PARN: variants seen among roughly 807,000 people sequenced by gnomAD.
PARN encodes poly(A)-specific ribonuclease, also known as poly(A)-specific ribonuclease PARN.
A neutral mutation model predicts 102.8 loss-of-function variants in PARN; 71 were observed. The observed-to-expected ratio is 0.69, with a 90% CI of 0.57 to 0.84. The LOEUF is 0.84. PARN is among the 40% of genes least tolerant of loss of function. PARN has a pLI of 0.00. For missense variants in PARN, 782 were observed against 760.9 expected, an observed-to-expected ratio of 1.03 and a Z score of -0.33; for synonymous variants, 261 against 252.9, an observed-to-expected ratio of 1.03 and a Z score of -0.30.
intron 12 of PARN, among the ~76,000 whole-genome samples, chr16:14,593,980 G>C (rs1452387653): frequency 2.0e-5 from 3 of 151,658 alleles, no homozygotes; most frequent in Non-Finnish European, 1.5e-5. Flanking sequence ...CTGGGCAACA[G>C]AGTGAGACCC....
chr16:14,599,763 A>G (rs946921170), intron 12 of PARN, 141 bp downstream of exon 12: 7 of 544,226 alleles, frequency 1.3e-5, no homozygotes, highest in South Asian at 9.0e-5. Context: ...ACAACAGTCT[A>G]TCTTGATGAA....
chr16:14,491,765 C>T (rs1033875689), intron 21 of PARN, among the ~76,000 whole-genome samples: 2 of 151,584 alleles, frequency 1.3e-5, no homozygotes, highest in African/African-American at 4.9e-5. Flanking sequence ...GAGTAAGACC[C>T]TATCTCAAAA....
In PARN at chr16:14,606,531, A is replaced by C; in HGVS notation, c.660-5T>G. 6.5e-7 allele frequency: 1 copy of C among 1,545,652 alleles called. No individual in the cohort carries two copies. ...ACATGAATGCCTTTCGGATACCTAA[A>C]GAAAAGAAAAACATAGTATCAGTAG... is the stretch of plus-strand genomic sequence containing the variant. On this transcript the variant is annotated splice_polypyrimidine_tract_variant and splice_region_variant and intron_variant, in intron 9 of 23. Transcript: ENST00000437198.
intron 22 of PARN, among the ~76,000 whole-genome samples, chr16:14,461,377 CCTT>C (rs1246971980): frequency 4.6e-5 from 7 of 152,160 alleles, no homozygotes; most frequent in Non-Finnish European, 8.8e-5. Context: ...ACAGTGTGTG[CCTT>C]CTTCTTGCCA....
Position 14,551,965 on chromosome 16 carries a change from G to A in PARN, c.1480+56C>T, listed in dbSNP as rs931151125. 8.7e-6 allele frequency: 10 copies of A among 1,150,994 alleles called. No individual in the cohort carries two copies. In the South Asian group the frequency reaches 1.3e-4, roughly 15 times the overall value. The allele number at this position is 1,150,994 out of a possible 1,614,324, so 71.3% of individuals were successfully genotyped here. A position where few individuals can be genotyped will look rare whatever the true frequency, so the allele number is the denominator to read the frequency against. On this transcript the variant is annotated intron_variant, in intron 21 of 23. Transcript: ENST00000437198. ...ATAGCTTTTAAATTAAGGGGGCAGT[G>A]GGAGGGCAACCTCTCACTGTATTTA...
intron 12 of PARN, among the ~76,000 whole-genome samples, chr16:14,598,084 TG>T (rs1278079155): frequency 6.6e-6 from 1 of 151,964 alleles, no homozygotes; most frequent in Non-Finnish European, 1.5e-5. Flanking sequence ...GCGGAGGTTG[TG>T]GTGAGCCAGG....
intron 18 of PARN, among the ~76,000 whole-genome samples, chr16:14,565,506 T>A (rs754068785): frequency 6.6e-6 from 1 of 151,886 alleles, no homozygotes; most frequent in Non-Finnish European, 1.5e-5. Flanking sequence ...CTAAAAACAT[T>A]AAATTAAACA....
intron 16 of PARN, among the ~76,000 whole-genome samples, chr16:14,583,871 G>C (rs770140592): frequency 2.0e-5 from 3 of 152,172 alleles, no homozygotes; most frequent in Non-Finnish European, 4.4e-5. Context: ...GTTTTCCTCA[G>C]TGCTGCTGTT....
At chr16:14,492,288 G>A (rs1964098245) in intron 21 of PARN, among the ~76,000 whole-genome samples, 1 of 152,206 alleles carries the variant, frequency 6.6e-6, no homozygotes, top group African/African-American at 2.4e-5. Context: ...CTCCATGGCA[G>A]CGCCTGACCC....
intron 21 of PARN, among the ~76,000 whole-genome samples, chr16:14,498,638 C>T (rs535601065): frequency 6.6e-6 from 1 of 152,170 alleles, no homozygotes; most frequent in Admixed American, 6.5e-5. Context: ...CCAGCTCCTC[C>T]GTGCCTTCAT....
At chr16:14,534,021 A>C (rs1452545441) in intron 21 of PARN, among the ~76,000 whole-genome samples, 3 of 152,174 alleles carry the variant, frequency 2.0e-5, no homozygotes, top group Non-Finnish European at 2.9e-5. Context: ...CAGGTGTTTG[A>C]GACCAGCCTG....
Position 14,606,530 on chromosome 16 carries a change from A to C in PARN, c.660-4T>G. 1.3e-6 allele frequency: 2 copies of C among 1,544,544 alleles called. No individual in the cohort carries two copies. The highest frequency in any genetic ancestry group is 1.2e-5 in the South Asian group (1 of 85,420). Reference sequence around the variant, plus strand: ...AACATGAATGCCTTTCGGATACCTAAAGAAAAGAAAAACATAGTATCAGTA... The same window carrying C: ...AACATGAATGCCTTTCGGATACCTACAGAAAAGAAAAACATAGTATCAGTA... On this transcript the variant is annotated splice_polypyrimidine_tract_variant and splice_region_variant and intron_variant, in intron 9 of 23. Transcript: ENST00000437198.
At chr16:14,628,959 G>A (rs970631617) in intron 2 of PARN, among the ~76,000 whole-genome samples, 1 of 152,186 alleles carries the variant, frequency 6.6e-6, no homozygotes, top group East Asian at 1.9e-4. Flanking sequence ...CACCTGTTGA[G>A]GCAGGCAATG....
At position 14,610,762 on chromosome 16, in the gene PARN, A is replaced by T; in HGVS notation, c.436T>A (p.Tyr146Asn). The T allele has an allele frequency of 6.2e-7, 1 of 1,611,452 alleles. No homozygotes were observed. Residue 146 changes from tyrosine to asparagine, a missense_variant, in exon 7 of 24, where the codon TAT (tyrosine) becomes AAT (asparagine). Transcript: ENST00000437198. ...QEEERQLREQ[Y>N]DEKRSQANGA... is the part of the protein sequence containing the mutation. Reference sequence around the variant, plus strand: ...TTCGCCTGTGAACGTTTTTCATCATACTGCTCTCTTAACTGTCTTTCTTCT... The same window carrying T: ...TTCGCCTGTGAACGTTTTTCATCATTCTGCTCTCTTAACTGTCTTTCTTCT...
At chr16:14,575,446 A>G (rs1969069182) in intron 18 of PARN, among the ~76,000 whole-genome samples, 1 of 152,178 alleles carries the variant, frequency 6.6e-6, no homozygotes, top group Non-Finnish European at 1.5e-5. Context: ...GTCAAAGGAG[A>G]TCATTTTGGA....
chr16:14,526,262 C>T (rs561432699), intron 21 of PARN, among the ~76,000 whole-genome samples: 4 of 151,782 alleles, frequency 2.6e-5, no homozygotes, highest in East Asian at 1.9e-4. Flanking sequence ...CTGCAAGCTC[C>T]GCCTCCCGGG....
intron 21 of PARN, among the ~76,000 whole-genome samples, chr16:14,485,283 T>C (rs1417991494): frequency 6.6e-6 from 1 of 152,254 alleles, no homozygotes; most frequent in Non-Finnish European, 1.5e-5. Flanking sequence ...TTATTTTTCT[T>C]ACTTTGAATG....
At chr16:14,491,362 C>T (rs1443695475) in intron 21 of PARN, among the ~76,000 whole-genome samples, 7 of 151,998 alleles carry the variant, frequency 4.6e-5, no homozygotes. Context: ...GTCTTCTGAA[C>T]AGGACCAGGT....
intron 21 of PARN, among the ~76,000 whole-genome samples, chr16:14,517,759 A>G (rs141791156): frequency 2.6e-4 from 39 of 152,128 alleles, no homozygotes; most frequent in African/African-American, 8.4e-4. Context: ...GCTCATTGCA[A>G]CCTCTACCTC....
Sources: gnomAD v4.1 joint callset for allele counts (sites outside exome capture counted in the v4.1 genomes callset) on GRCh38, gnomAD v4.1.1 for gene constraint, MANE v1.5 for transcripts, NCBI Gene and HGNC (gene_info 2026-07-23, HGNC 2026-07-21) for gene names.